The following NPHS2 variants were observed in gnomAD, a reference collection of about 807,000 sequenced individuals.
The protein encoded by NPHS2 is NPHS2 stomatin family member, podocin.
Under a neutral mutation model 37.1 loss-of-function variants are expected in NPHS2, and 36 were observed. The ratio of observed to expected loss-of-function variants is 0.97; its 90% confidence interval spans 0.74 to 1.28. The LOEUF (loss-of-function observed/expected upper bound fraction) is 1.28. Ranked by LOEUF, NPHS2 falls within the 50% of genes most tolerant of loss-of-function variation. The pLI, the probability that NPHS2 is intolerant of heterozygous loss-of-function variation, is 0.00. For missense variants in NPHS2, 447 were observed against 488.1 expected (o/e 0.92, Z 0.79); for synonymous variants, 196 against 189.3 (o/e 1.04, Z -0.29).
chr1:179,551,424 C>T lies in NPHS2; in HGVS notation c.901G>A (p.Ala301Thr), dbSNP rs370579729. Residue 301 changes from alanine (A) to threonine (T), a missense_variant, in exon 8 of 8, where the codon GCT becomes ACT. Ala to Thr is a moderately conservative substitution (Grantham distance 58). Coordinates refer to ENST00000367615, the MANE Select transcript of NPHS2 (RefSeq NM_014625.4). ...RMIAAEAEKA[A>T]SESLRMAAEI... Reference sequence around the variant, plus strand: ...GCTGCCATCCTCAGGGACTCAGAAGCAGCCTTTTCCGCTTCTGCAGCAATC... The same window carrying T: ...GCTGCCATCCTCAGGGACTCAGAAGTAGCCTTTTCCGCTTCTGCAGCAATC... 10 of 1,613,650 alleles carry T rather than the reference C, an allele frequency of 6.2e-6. No individual in the cohort carries two copies. The highest frequency in any genetic ancestry group is 1.1e-5 in the South Asian group (1 of 91,056).
At chr1:179,555,233 A>G (rs1483665980) in intron 5 of NPHS2, among the ~76,000 whole-genome samples, 1 of 152,258 alleles carries the variant, frequency 6.6e-6, no homozygotes, top group African/African-American at 2.4e-5. Flanking sequence ...AATAGGAACT[A>G]ATACAGATAT....
In NPHS2 at chr1:179,551,470, A is replaced by G; in HGVS notation, c.874-19T>C. 6.2e-7 allele frequency: 1 copy of G among 1,612,444 alleles called. No homozygotes were observed. Among genetic ancestry groups the G allele is most frequent in the Non-Finnish European group, 8.5e-7 (1 of 1,179,986 alleles). The stretch of plus-strand genomic sequence containing the variant: ...CAATCATCTAGAAAACATGTGACGA[A>G]AGCAAAGTGATTGTTCTTCATTCCC... On this transcript the variant is annotated intron_variant, in intron 7 of 7. Coordinates refer to ENST00000367615, the MANE Select transcript of NPHS2 (RefSeq NM_014625.4).
In NPHS2 at chr1:179,556,690, T is replaced by C. The variant is rs937838077; in HGVS notation, c.738+337A>G. 6.6e-6 allele frequency among the ~76,000 whole-genome samples: 1 copy of C among 152,174 alleles called. No individual in the cohort carries two copies. The highest frequency in any genetic ancestry group is 1.5e-5 in the Non-Finnish European group (1 of 68,036). On this transcript the variant is annotated intron_variant, in intron 5 of 7. Transcript: ENST00000367615. The surrounding 1 kb of genome is among the most constrained non-coding windows in gnomAD (Gnocchi z 4.1). Reference sequence around the variant, plus strand: ...CCTGGGAACCATGCTTTATCATCTTTGTGTACCAACCCCTCCTGTCCATCC... The same window carrying C: ...CCTGGGAACCATGCTTTATCATCTTCGTGTACCAACCCCTCCTGTCCATCC...
At position 179,561,874 on chromosome 1, in the gene NPHS2, C is replaced by T. The variant is rs113239862; in HGVS notation, c.379-513G>A. 3.5e-3 allele frequency among the ~76,000 whole-genome samples: 531 copies of T among 152,038 alleles called. 6 individuals are homozygous for T. Among genetic ancestry groups the T allele is most frequent in the African/African-American group, 0.012 (496 of 41,456 alleles). On this transcript the variant is annotated intron_variant, in intron 2 of 7. Coordinates refer to ENST00000367615, the MANE Select transcript of NPHS2 (RefSeq NM_014625.4). Reference sequence around the variant, plus strand: ...AGACTGGAGTGCAGTGGCATGATCTCGGCTCACTGCAACCTCTGCCTCCCG... The same window carrying T: ...AGACTGGAGTGCAGTGGCATGATCTTGGCTCACTGCAACCTCTGCCTCCCG...
chr1:179,568,667 TG>T (rs1674427750), intron 1 of NPHS2, among the ~76,000 whole-genome samples: 1 of 152,240 alleles, frequency 6.6e-6, no homozygotes, highest in African/African-American at 2.4e-5. Context: ...AGATCTTTCC[TG>T]GTTTCTCTTG....
chr1:179,554,750 C>G (rs1301260336), intron 5 of NPHS2: 1 of 628,954 alleles, frequency 1.6e-6, no homozygotes, highest in Non-Finnish European at 2.8e-6. Flanking sequence ...GTGTGGTATG[C>G]TGAATAATGG....
At position 179,551,105 on chromosome 1, in the gene NPHS2, G is replaced by A; in HGVS notation, c.*68C>T. ...AGGAAGGGCAGGGAATGAGGACAGA[G>A]TGTCTCCCTCAGGCATGTGACTTTT... On this transcript the variant is annotated 3_prime_UTR_variant, in exon 8 of 8. Coordinates refer to ENST00000367615, the MANE Select transcript of NPHS2 (RefSeq NM_014625.4). 6.3e-7 allele frequency: 1 copy of A among 1,595,458 alleles called. No individual in the cohort carries two copies.
Position 179,564,729 on chromosome 1 carries a change from G to A in NPHS2, c.339C>T (p.Ile113=), listed in dbSNP as rs764760901. The change falls in exon 2 of 8, where the codon ATC becomes ATT. Residue 113 remains isoleucine (I), a synonymous_variant. Coordinates refer to ENST00000367615, the MANE Select transcript of NPHS2 (RefSeq NM_014625.4). The stretch of plus-strand genomic sequence containing the variant: ...AGATGGAAAAAGGGAAGGTCATGAT[G>A]ATGAAGAGCAGGGAAATGAGGACAA... The part of the protein sequence containing the change: ...WLLVLISLLF[I]IMTFPFSIWF... 9 of 1,614,122 alleles carry A rather than the reference G, an allele frequency of 5.6e-6. No individual in the cohort carries two copies. The highest frequency in any genetic ancestry group is 7.6e-6 in the Non-Finnish European group (9 of 1,180,016).
chr1:179,554,306 T>G (rs1673754535), intron 6 of NPHS2, among the ~76,000 whole-genome samples, 170 bp downstream of exon 6: 1 of 152,192 alleles, frequency 6.6e-6, no homozygotes, highest in South Asian at 2.1e-4. Flanking sequence ...AATGTTATAG[T>G]GATTGTGTTA....
chr1:179,570,713 T>C (rs1674522432), intron 1 of NPHS2, among the ~76,000 whole-genome samples: 2 of 152,242 alleles, frequency 1.3e-5, no homozygotes. Context: ...CAAACATAGA[T>C]TTGGTCTTTT....
chr1:179,562,062 C>T (rs1004967524), intron 2 of NPHS2, among the ~76,000 whole-genome samples: 3 of 152,214 alleles, frequency 2.0e-5, no homozygotes, highest in African/African-American at 7.2e-5. Context: ...CTGCTTTGGC[C>T]TCCCAAAGTG....
intron 1 of NPHS2, 128 bp from the exon 2 acceptor site, chr1:179,564,921 T>G (rs1477122401): frequency 7.7e-6 from 6 of 782,156 alleles, no homozygotes; most frequent in African/African-American, 3.4e-5. Flanking sequence ...AATATTAGAA[T>G]AAGTCAAATC....
chr1:179,564,828 G>C, intron 1 of NPHS2, 35 bp from the exon 2 acceptor site: 1 of 1,527,452 alleles, frequency 6.5e-7, no homozygotes, highest in South Asian at 1.1e-5. Flanking sequence ...TAATTATATT[G>C]AAACTTCACT....
intron 2 of NPHS2, 133 bp from the exon 3 acceptor site, chr1:179,561,494 A>T: frequency 1.5e-6 from 1 of 674,772 alleles, no homozygotes; most frequent in Non-Finnish European, 2.7e-6. Context: ...ATTAATACTT[A>T]AGTTTCCAAA....
At chr1:179,552,497 T>C (rs1293777719) in intron 7 of NPHS2, 106 bp downstream of exon 7, 1 of 861,056 alleles carries the variant, frequency 1.2e-6, no homozygotes, top group Non-Finnish European at 1.9e-6. Context: ...CCAAGACAGC[T>C]TCTGCCCAGT....
Position 179,575,720 on chromosome 1 carries a change from C to G in NPHS2, c.145G>C (p.Gly49Arg). The G allele has an allele frequency of 1.3e-6, 2 of 1,543,450 alleles. No homozygotes were observed. Among genetic ancestry groups the G allele is most frequent in the African/African-American group, 1.4e-5 (1 of 73,230 alleles). ...GGCTCCCCCGGGGTCCCCGCCCGTC[C>G]GGAGCCCGACGGCTCGGGCCCAGCC... ...QEAGPEPSGS[G>R]RAGTPGEPRA... Residue 49 changes from glycine (G) to arginine (R), a missense_variant, in exon 1 of 8, where the codon GGA becomes CGA. Transcript: ENST00000367615.
intron 5 of NPHS2, 75 bp from the exon 6 acceptor site, chr1:179,554,606 T>C: frequency 6.3e-7 from 1 of 1,594,342 alleles, no homozygotes; most frequent in Non-Finnish European, 8.6e-7. Flanking sequence ...CTGGTGGCCA[T>C]TGTTCTGTAC....
At chr1:179,571,981 C>G (rs1458234172) in intron 1 of NPHS2, among the ~76,000 whole-genome samples, 1 of 152,180 alleles carries the variant, frequency 6.6e-6, no homozygotes, top group Non-Finnish European at 1.5e-5. Flanking sequence ...TCATGGCATC[C>G]CTTAGCTAGG....
At chr1:179,570,967 T>A (rs1674530400) in intron 1 of NPHS2, among the ~76,000 whole-genome samples, 1 of 152,208 alleles carries the variant, frequency 6.6e-6, no homozygotes, top group Admixed American at 6.5e-5. Flanking sequence ...ATTCGTCTAA[T>A]CTTTTTTAAA....
Sources: gnomAD v4.1 joint callset for allele counts (sites outside exome capture counted in the v4.1 genomes callset) on GRCh38, gnomAD v4.1.1 for gene constraint, Gnocchi (gnomAD v3.1) non-coding constraint, MANE v1.5 for transcripts, NCBI Gene and HGNC (gene_info 2026-07-23, HGNC 2026-07-21) for gene names.